Variants in CHRNE observed in about 807,000 individuals in gnomAD.
CHRNE encodes acetylcholine receptor subunit epsilon.
A neutral mutation model predicts 56.5 loss-of-function variants in CHRNE; 58 were observed. The ratio of observed to expected loss-of-function variants is 1.03; its 90% CI spans 0.83 to 1.28. The LOEUF is 1.28. Among genes scored for constraint, CHRNE ranks in the 50% most tolerant of loss-of-function variants. The probability of loss-of-function intolerance (pLI) is 0.00; values close to 1 mark genes in which losing one functional copy is unlikely to be tolerated. For missense variants in CHRNE, 793 were observed against 688.9 expected (o/e 1.15, Z -1.69); for synonymous variants, 385 against 297.9 (o/e 1.29, Z -3.01).
chr17:4,899,132 G>A (rs774406070), intron 10 of CHRNE, 25 bp from the exon 11 acceptor site: 12 of 1,599,208 alleles, frequency 7.5e-6, no homozygotes, highest in Non-Finnish European at 1.7e-6. Flanking sequence ...ACCGGGGTGG[G>A]CCTTAGGAGC....
chr17:4,902,490 T>C lies in CHRNE; in HGVS notation c.194A>G (p.Glu65Gly). ...VTLTNLISLN[E>G]KEETLTTSVW... The stretch of plus-strand genomic sequence containing the variant: ...GCTAGTGGTGAGAGTCTCCTCTTTT[T>C]CATTCTGCAGATGGGAGATGGGGAT... Residue 65 changes from glutamate to glycine, a missense_variant, in exon 3 of 12, where the codon GAA becomes GGA. Physicochemically the swap from Glu to Gly is moderately conservative, Grantham distance 98 (BLOSUM62 -2). Coordinates refer to ENST00000649488, the MANE Select transcript of CHRNE (RefSeq NM_000080.4). The surrounding 1 kb of genome is among the most constrained non-coding windows in gnomAD (Gnocchi z 4.0). The C allele has an allele frequency of 6.2e-7, 1 of 1,614,174 alleles. No homozygotes were observed. Among genetic ancestry groups the C allele is most frequent in the Non-Finnish European group, 8.5e-7 (1 of 1,180,040 alleles).
chr17:4,900,801 G>C lies in CHRNE; in HGVS notation c.909C>G (p.Leu303=). 1.2e-6 allele frequency: 2 copies of C among 1,613,738 alleles called. No individual in the cohort carries two copies. The highest frequency in any genetic ancestry group is 1.7e-6 in the Non-Finnish European group (2 of 1,179,800). Residue 303 remains leucine, a synonymous_variant, in exon 8 of 12, where the codon CTC becomes CTG. Transcript: ENST00000649488. ...GGGGGCTCCGGCTTCACCTGCCCAG[G>C]AGCGGCACGCTCAGAGAAGTCTCTG... ...KIPETSLSVP[L]LGRFLIFVMV...
Position 4,902,936 on chromosome 17 carries a change from C to G in CHRNE, c.46+82G>C, listed in dbSNP as rs367815306. 4.6e-5 allele frequency: 73 copies of G among 1,598,550 alleles called. No individual in the cohort carries two copies. Among genetic ancestry groups the G allele is most frequent in the Non-Finnish European group, 6.1e-5 (71 of 1,166,208 alleles). ...CGAAATACTGTGTCTAAGTCTCCAT[C>G]TTGGTCTCTGTCTTTGTCTTCCCAG... On this transcript the variant is annotated intron_variant, in intron 1 of 11. Transcript: ENST00000649488. The surrounding 1 kb of genome is among the most constrained non-coding windows in gnomAD (Gnocchi z 4.0).
chr17:4,901,804 C>T (rs1227469836), intron 5 of CHRNE, 128 bp downstream of exon 5: 10 of 1,413,122 alleles, frequency 7.1e-6, no homozygotes, highest in Non-Finnish European at 9.9e-6. Context: ...GCGTCCCACC[C>T]AGTGCCTACG....
In CHRNE at chr17:4,900,981, A is replaced by C. The variant is rs199876621; in HGVS notation, c.802+9T>G. The stretch of plus-strand genomic sequence containing the variant: ...CGGGTTTGGGGGTAGGTTCGGGGCC[A>C]CTGCTTACCCTGCGCCGGCAGGAAG... On this transcript the variant is annotated intron_variant, in intron 7 of 11. Transcript: ENST00000649488. 1.7e-5 allele frequency: 27 copies of C among 1,613,914 alleles called. No individual in the cohort carries two copies. The highest frequency in any genetic ancestry group is 2.1e-5 in the Non-Finnish European group (25 of 1,179,874).
chr17:4,905,245 T>G (rs1210364529), upstream of CHRNE, among the ~76,000 whole-genome samples: 2 of 152,066 alleles, frequency 1.3e-5, no homozygotes, highest in Admixed American at 1.3e-4. Context: ...GTGAATCAGA[T>G]CTGTCAGAAA....
In CHRNE at chr17:4,898,806, C is replaced by T; in HGVS notation, c.1412G>A (p.Ser471Asn). The change falls in exon 12 of 12, where the codon AGC becomes AAC. Residue 471 changes from serine to asparagine, a missense_variant. Ser to Asn is a conservative substitution (Grantham distance 46). Coordinates refer to ENST00000649488, the MANE Select transcript of CHRNE (RefSeq NM_000080.4). ...GAAGTAGGCCCCGAGGAAGATGAGG[C>T]TGGAGCCCACGCTGAAGAGCACCAG... ...AALVLFSVGS[S>N]LIFLGAYFNR... 6.2e-7 allele frequency: 1 copy of T among 1,605,842 alleles called. No homozygotes were observed.
chr17:4,905,950 G>T (rs1356728098), upstream of CHRNE, among the ~76,000 whole-genome samples: 3 of 152,214 alleles, frequency 2.0e-5, no homozygotes, highest in African/African-American at 7.2e-5. Context: ...GGCCAAGGCA[G>T]CTCCAGAGCC....
chr17:4,907,409 A>T, upstream of CHRNE, among the ~76,000 whole-genome samples: 1 of 151,572 alleles, frequency 6.6e-6, no homozygotes, highest in Non-Finnish European at 1.5e-5. Flanking sequence ...TAAAAATTAA[A>T]AAAAAAAAAT....
chr17:4,900,467 G>GTCC, intron 8 of CHRNE: 1 of 1,551,138 alleles, frequency 6.4e-7, no homozygotes, highest in Admixed American at 2.0e-5. Flanking sequence ...TCCTGCGACA[G>GTCC]TCGCAACAGC....
In CHRNE at chr17:4,898,584, G is replaced by T; in HGVS notation, c.*152C>A. 1 of 1,080,146 alleles carries T rather than the reference G, an allele frequency of 9.3e-7. No individual in the cohort carries two copies. The highest frequency in any genetic ancestry group is 1.4e-5 in the South Asian group (1 of 69,276). The allele number at this position is 1,080,146 out of a possible 1,614,324, so 66.9% of individuals were successfully genotyped here. ...CTGGACTGCGGCCAGGCCTACACAC[G>T]CCAGGGAACGGGCACACACCATTCT... On this transcript the variant is annotated 3_prime_UTR_variant, in exon 12 of 12. Coordinates refer to ENST00000649488, the MANE Select transcript of CHRNE (RefSeq NM_000080.4).
chr17:4,902,914 A>T lies in CHRNE; in HGVS notation c.46+104T>A. 1 of 1,586,628 alleles carries T rather than the reference A, an allele frequency of 6.3e-7. No individual in the cohort carries two copies. Among genetic ancestry groups the T allele is most frequent in the Non-Finnish European group, 8.7e-7 (1 of 1,155,642 alleles). On this transcript the variant is annotated intron_variant, in intron 1 of 11. Transcript: ENST00000649488. This position sits in a 1 kb window ranked among gnomAD's most constrained non-coding sequence, Gnocchi z 4.0. ...CCAATTATGCTGTGCCTGGGAACGA[A>T]ATACTGTGTCTAAGTCTCCATCTTG...
upstream of CHRNE, among the ~76,000 whole-genome samples, chr17:4,906,405 A>C (rs1970092979): frequency 6.6e-6 from 1 of 152,236 alleles, no homozygotes; most frequent in Non-Finnish European, 1.5e-5. Flanking sequence ...AAATATACAT[A>C]AATTAATACA....
chr17:4,900,390 G>A lies in CHRNE; in HGVS notation c.917+403C>T, dbSNP rs1481573378. 3.2e-6 allele frequency: 5 copies of A among 1,550,170 alleles called. No individual in the cohort carries two copies. In the Admixed American group the frequency reaches 5.9e-5, roughly 18 times the overall value. ...AGCTGGGGCTGCGGTGGGCGCCAGCGCCCGGCTCCTAGTCCAGGGAGCATG... is the reference window on the plus strand; with the variant it reads ...AGCTGGGGCTGCGGTGGGCGCCAGCACCCGGCTCCTAGTCCAGGGAGCATG... On this transcript the variant is annotated intron_variant, in intron 8 of 11. Coordinates refer to ENST00000649488, the MANE Select transcript of CHRNE (RefSeq NM_000080.4).
upstream of CHRNE, among the ~76,000 whole-genome samples, chr17:4,903,826 T>C (rs574475255): frequency 2.8e-4 from 42 of 152,142 alleles, no homozygotes; most frequent in Non-Finnish European, 5.1e-4. Context: ...ACACACCTGA[T>C]GACACCTTAA....
Position 4,898,789 on chromosome 17 carries a change from C to G in CHRNE, c.1429G>C (p.Ala477Pro). ...SVGSSLIFLG[A>P]YFNRVPDLPY... ...AGATCAGGCACTCGGTTGAAGTAGG[C>G]CCCGAGGAAGATGAGGCTGGAGCCC... The change falls in exon 12 of 12, where the codon GCC becomes CCC. Residue 477 changes from alanine (A) to proline (P), a missense_variant. Physicochemically the swap from Ala to Pro is conservative, Grantham distance 27. Coordinates refer to ENST00000649488, the MANE Select transcript of CHRNE (RefSeq NM_000080.4). 1.2e-6 allele frequency: 2 copies of G among 1,608,912 alleles called. No homozygotes were observed. Among genetic ancestry groups the G allele is most frequent in the African/African-American group, 1.3e-5 (1 of 75,016 alleles).
In CHRNE at chr17:4,901,505, TG is replaced by T. The variant is rs1465639640; in HGVS notation, c.601+19del. 1.9e-6 allele frequency: 3 copies of T among 1,612,314 alleles called. No individual in the cohort carries two copies. The highest frequency in any genetic ancestry group is 1.6e-4 in the Middle Eastern group (1 of 6,080). On this transcript the variant is annotated intron_variant, in intron 6 of 11. Coordinates refer to ENST00000649488, the MANE Select transcript of CHRNE (RefSeq NM_000080.4). ...GACCCCGTCTAGAAGCGGGTTTTTCTGAGCAGGCAGGGGCTTCACCAGTATA... is the reference window on the plus strand; with the variant it reads ...GACCCCGTCTAGAAGCGGGTTTTTCTAGCAGGCAGGGGCTTCACCAGTATA...
chr17:4,899,384 C>T lies in CHRNE; in HGVS notation c.1033G>A (p.Val345Ile). 2 of 1,533,670 alleles carry T rather than the reference C, an allele frequency of 1.3e-6. No homozygotes were observed. The highest frequency in any genetic ancestry group is 1.7e-6 in the Non-Finnish European group (2 of 1,144,264). Residue 345 changes from valine (V) to isoleucine (I), a missense_variant and splice_region_variant, in exon 10 of 12, where the codon GTT becomes ATT. Transcript: ENST00000649488. ...AGGCGCGGCAGCAGCTCCAGGAGAA[C>T]CTGGGGCAGGGGCGGGGCTTAGGGG... Reference protein sequence around the residue: ...THAMSPRLRHVLLELLPRLLG... With the variant: ...THAMSPRLRHILLELLPRLLG...
intron 9 of CHRNE, 24 bp from the exon 10 acceptor site, chr17:4,899,408 G>A (rs1372257092): frequency 3.2e-6 from 5 of 1,539,574 alleles, no homozygotes; most frequent in African/African-American, 2.7e-5. Context: ...GGGGCTTAGG[G>A]GACGAGGTTA....
Sources: gnomAD v4.1 joint callset for allele counts (sites outside exome capture counted in the v4.1 genomes callset) on GRCh38, gnomAD v4.1.1 for gene constraint, Gnocchi (gnomAD v3.1) non-coding constraint, MANE v1.5 for transcripts, NCBI Gene and HGNC (gene_info 2026-07-23, HGNC 2026-07-21) for gene names.